The following B3GLCT variants were observed in gnomAD, a reference collection of about 807,000 sequenced individuals.
B3GLCT encodes beta-1,3-glucosyltransferase.
A neutral mutation model predicts 63.4 loss-of-function variants in B3GLCT; 65 were observed. The ratio of observed to expected loss-of-function variants is 1.03; its 90% CI spans 0.84 to 1.26. The LOEUF is 1.26. B3GLCT is among the 50% of genes most tolerant of loss of function. The pLI, the probability that B3GLCT is intolerant of heterozygous loss-of-function variation, is 0.00. For synonymous variants in B3GLCT, 233 were observed against 219.2 expected (o/e 1.06, Z -0.55); for missense variants, 577 against 604.8 (o/e 0.95, Z 0.48).
chr13:31,252,446 C>T (rs1184227449), intron 6 of B3GLCT, among the ~76,000 whole-genome samples: 1 of 152,010 alleles, frequency 6.6e-6, no homozygotes, highest in African/African-American at 2.4e-5. Flanking sequence ...GAGTTAAGAC[C>T]CATCAGTGTG....
chr13:31,221,381 T>C (rs542928750), intron 2 of B3GLCT, among the ~76,000 whole-genome samples: 181 of 152,284 alleles, frequency 1.2e-3, no homozygotes, highest in Non-Finnish European at 2.2e-3. Context: ...GAGTGGCATT[T>C]AGAGTAAGTC....
intron 12 of B3GLCT, among the ~76,000 whole-genome samples, chr13:31,306,449 A>G (rs1394836046): frequency 3.3e-4 from 29 of 87,644 alleles, no homozygotes; most frequent in Admixed American, 1.4e-3. Context: ...TCAGCCCAAA[A>G]TCTCCTTAAG....
At chr13:31,302,084 T>A (rs548421244) in intron 12 of B3GLCT, among the ~76,000 whole-genome samples, 1 of 152,320 alleles carries the variant, frequency 6.6e-6, no homozygotes, top group East Asian at 1.9e-4. Context: ...CCTCTCCCCT[T>A]CATCATTTTC....
intron 6 of B3GLCT, among the ~76,000 whole-genome samples, chr13:31,253,813 G>T (rs1434129133): frequency 6.6e-6 from 1 of 151,610 alleles, no homozygotes; most frequent in Non-Finnish European, 1.5e-5. Flanking sequence ...AGAAAAGAGA[G>T]AAGAATCAAA....
Position 31,253,618 on chromosome 13 carries a change from A to AAAAAAAAAAAACAAAC in B3GLCT, c.459+5655_459+5656insAAAAAAAACAAACAAA, listed in dbSNP as rs1555249042. 1.4e-3 allele frequency among the ~76,000 whole-genome samples: 112 copies of AAAAAAAAAAAACAAAC among 82,312 alleles called. 23 individuals carry two copies. Among genetic ancestry groups the AAAAAAAAAAAACAAAC allele is most frequent in the Middle Eastern group, 7.1e-3 (1 of 140 alleles). The allele number at this position is 82,312 out of a possible 152,430, so 54.0% of individuals were successfully genotyped here. On this transcript the variant is annotated intron_variant, in intron 6 of 14. Transcript: ENST00000343307. ...CTCAAAAAAAAAAAAAAAAAAAAAA[A>AAAAAAAAAAAACAAAC]AAACTAGAGAAGCAAGAGCAAGCAA...
chr13:31,290,450 C>T (rs1417369333), intron 12 of B3GLCT, among the ~76,000 whole-genome samples: 1 of 152,176 alleles, frequency 6.6e-6, no homozygotes, highest in Non-Finnish European at 1.5e-5. Flanking sequence ...CTGTCTTCCA[C>T]AATGGTTGAA....
intron 12 of B3GLCT, among the ~76,000 whole-genome samples, chr13:31,295,437 T>C (rs976836689): frequency 6.6e-6 from 1 of 152,178 alleles, no homozygotes; most frequent in Non-Finnish European, 1.5e-5. Flanking sequence ...CCCCAGGTGC[T>C]CTGTCCCAGG....
intron 8 of B3GLCT, among the ~76,000 whole-genome samples, chr13:31,272,390 G>A (rs1351679525): frequency 4.0e-5 from 6 of 151,316 alleles, no homozygotes. Context: ...AATTTTTTTT[G>A]TATTTTTAGT....
intron 12 of B3GLCT, among the ~76,000 whole-genome samples, chr13:31,315,038 G>T (rs910635195): frequency 6.6e-6 from 1 of 152,168 alleles, no homozygotes; most frequent in Non-Finnish European, 1.5e-5. Context: ...ATAATTGTGA[G>T]ACCTCCCCAG....
At chr13:31,323,921 C>G in intron 14 of B3GLCT, 26 bp downstream of exon 14, 3 of 1,613,580 alleles carry the variant, frequency 1.9e-6, no homozygotes, top group Non-Finnish European at 2.5e-6. Context: ...TTATTCTTCC[C>G]TCATGGCAGG....
intron 12 of B3GLCT, among the ~76,000 whole-genome samples, chr13:31,287,765 A>G (rs1372613940): frequency 6.6e-6 from 1 of 152,194 alleles, no homozygotes; most frequent in Non-Finnish European, 1.5e-5. Context: ...TTATACCTCT[A>G]TTCCATATGT....
intron 7 of B3GLCT, among the ~76,000 whole-genome samples, chr13:31,261,604 G>C (rs1872037376): frequency 6.6e-6 from 1 of 152,204 alleles, no homozygotes; most frequent in Non-Finnish European, 1.5e-5. Flanking sequence ...TGCTCTGTTA[G>C]ATGTGGAAAG....
At chr13:31,280,535 A>T (rs1190830548) in intron 10 of B3GLCT, among the ~76,000 whole-genome samples, 1 of 151,934 alleles carries the variant, frequency 6.6e-6, no homozygotes, top group East Asian at 1.9e-4. Context: ...GATGGCCCCC[A>T]CTCCTGCTTC....
In B3GLCT at chr13:31,274,753, G is replaced by C. The variant is rs1325116597; in HGVS notation, c.780+125G>C. On this transcript the variant is annotated intron_variant, in intron 9 of 14. Coordinates refer to ENST00000343307, the MANE Select transcript of B3GLCT (RefSeq NM_194318.4). ...GCATTCATGTGCAAGTTGGTTATAA[G>C]GGTATATTGTGTGATGCTAAGGTTT... is the stretch of plus-strand genomic sequence containing the variant. The C allele has an allele frequency of 4.0e-6, 5 of 1,238,236 alleles. No homozygotes were observed. The South Asian group carries it at 5.0e-5, about 12-fold the overall frequency. 76.7% of individuals were successfully genotyped at this position (1,238,236 alleles called of 1,614,324 possible).
Position 31,274,558 on chromosome 13 carries a change from T to C in B3GLCT, c.710T>C (p.Val237Ala). Residue 237 changes from valine (V) to alanine (A), a missense_variant, in exon 9 of 15, where the codon GTG becomes GCG. Coordinates refer to ENST00000343307, the MANE Select transcript of B3GLCT (RefSeq NM_194318.4). ...DKGGGPPLTP[V>A]PEFCTNDVDF... The stretch of plus-strand genomic sequence containing the variant: ...GGCGGAGGACCTCCCCTGACCCCAG[T>C]GCCTGAGTTTTGTACCAATGACGTG... 6.2e-7 allele frequency: 1 copy of C among 1,614,224 alleles called. No homozygotes were observed. Among genetic ancestry groups the C allele is most frequent in the Non-Finnish European group, 8.5e-7 (1 of 1,180,024 alleles).
intron 7 of B3GLCT, among the ~76,000 whole-genome samples, 172 bp downstream of exon 7, chr13:31,261,254 G>A (rs141304626): frequency 9.9e-5 from 15 of 152,264 alleles, no homozygotes; most frequent in East Asian, 9.6e-4. Context: ...CTGCTTCAGC[G>A]CTGTCATTTA....
chr13:31,316,359 C>T (rs1269870475), intron 12 of B3GLCT, among the ~76,000 whole-genome samples: 2 of 138,678 alleles, frequency 1.4e-5, no homozygotes, highest in Non-Finnish European at 3.1e-5. Flanking sequence ...CCTCTTGCAT[C>T]AGCATGTCCT....
chr13:31,312,783 T>C (rs1381966058), intron 12 of B3GLCT: 1 of 152,192 alleles, frequency 6.6e-6, no homozygotes, highest in Admixed American at 6.5e-5. Context: ...TCTACAAGAA[T>C]TAAAAGTTAG....
Position 31,289,575 on chromosome 13 carries a change from T to C in B3GLCT, c.1064+2756T>C, listed in dbSNP as rs867194332. Among the ~76,000 whole-genome samples, 4 of 151,658 alleles carry C rather than the reference T, an allele frequency of 2.6e-5. No homozygotes were observed. The South Asian group carries it at 6.3e-4, about 24-fold the overall frequency. ...AGTGGACTTTTCAGCAGAAACCTTA[T>C]AGGCCAAAGAGAATGAGATGGCACT... On this transcript the variant is annotated intron_variant, in intron 12 of 14. Transcript: ENST00000343307.
Sources: gnomAD v4.1 joint callset for allele counts (sites outside exome capture counted in the v4.1 genomes callset) on GRCh38, gnomAD v4.1.1 for gene constraint, MANE v1.5 for transcripts, NCBI Gene and HGNC (gene_info 2026-07-23, HGNC 2026-07-21) for gene names.